SPAG16: variants seen among roughly 807,000 people sequenced by gnomAD.
SPAG16 encodes sperm associated antigen 16.
Under a neutral mutation model 80.4 loss-of-function variants are expected in SPAG16, and 86 were observed. That is an observed-to-expected ratio of 1.07 (90% CI 0.90 to 1.28). The LOEUF (loss-of-function observed/expected upper bound fraction) is 1.28. SPAG16 is among the 50% of genes most tolerant of loss of function. SPAG16 has a pLI of 0.00. For missense variants in SPAG16, 870 were observed against 765.3 expected, an observed-to-expected ratio of 1.14 and a Z score of -1.61; for synonymous variants, 294 against 265.9, an observed-to-expected ratio of 1.11 and a Z score of -1.03.
chr2:213,675,108 T>C (rs2063995509), intron 10 of SPAG16, among the ~76,000 whole-genome samples: 1 of 152,014 alleles, frequency 6.6e-6, no homozygotes, highest in Admixed American at 6.5e-5. Context: ...CTCACTGTGG[T>C]TTTGATTTGC....
intron 2 of SPAG16, among the ~76,000 whole-genome samples, chr2:213,296,707 G>A (rs1403792090): frequency 6.6e-6 from 1 of 152,084 alleles, no homozygotes; most frequent in East Asian, 1.9e-4. Flanking sequence ...TTTTATTACT[G>A]GTAAAATGGA....
intron 10 of SPAG16, among the ~76,000 whole-genome samples, chr2:213,604,391 G>GC (rs1297920791): frequency 6.6e-6 from 1 of 151,940 alleles, no homozygotes; most frequent in African/African-American, 2.4e-5. Context: ...GCTTCATGAG[G>GC]CAGAAACCAT....
chr2:213,785,483 C>G (rs80108862), intron 10 of SPAG16, among the ~76,000 whole-genome samples: 1 of 152,052 alleles, frequency 6.6e-6, no homozygotes, highest in Non-Finnish European at 1.5e-5. Flanking sequence ...TTAGTTTTCT[C>G]ATTATCAGAC....
intron 10 of SPAG16, among the ~76,000 whole-genome samples, chr2:213,523,146 T>A (rs1386805686): frequency 6.6e-6 from 1 of 152,158 alleles, no homozygotes; most frequent in African/African-American, 2.4e-5. Flanking sequence ...GGTAATTGAA[T>A]CATGGAGGCA....
intron 15 of SPAG16, among the ~76,000 whole-genome samples, chr2:214,361,487 C>T (rs895263561): frequency 2.0e-5 from 3 of 151,730 alleles, no homozygotes; most frequent in African/African-American, 4.8e-5. Flanking sequence ...TTAGTCTAAC[C>T]GTGAGATCAC....
rs918212388 is a variant in SPAG16, at chr2:213,552,296, ATTGC to A, written c.1070+62210_1070+62213del. Reference sequence around the variant, plus strand: ...ATTGTGGACTCTGCAGGTTTCTAAAATTGCTTGATTTCCCTACCCTCCACCAACC... The same window carrying A: ...ATTGTGGACTCTGCAGGTTTCTAAAATTGATTTCCCTACCCTCCACCAACC... On this transcript the variant is annotated intron_variant, in intron 10 of 15. Coordinates refer to ENST00000331683, the MANE Select transcript of SPAG16 (RefSeq NM_024532.5). 2.0e-5 allele frequency among the ~76,000 whole-genome samples: 3 copies of A among 152,188 alleles called. No homozygotes were observed. In the East Asian group the frequency reaches 5.8e-4, roughly 30 times the overall value.
intron 10 of SPAG16, among the ~76,000 whole-genome samples, chr2:213,784,974 A>G (rs1200755844): frequency 2.0e-5 from 3 of 152,162 alleles, no homozygotes; most frequent in Admixed American, 1.3e-4. Flanking sequence ...TCCTAGTTCT[A>G]TAAGGCTAAG....
intron 10 of SPAG16, among the ~76,000 whole-genome samples, chr2:213,744,525 A>C (rs1234410501): frequency 6.6e-6 from 1 of 152,164 alleles, no homozygotes; most frequent in Non-Finnish European, 1.5e-5. Flanking sequence ...ACAAAATAAT[A>C]TATTATCATT....
At chr2:213,335,516 G>A (rs1484811880) in intron 5 of SPAG16, among the ~76,000 whole-genome samples, 5 of 152,032 alleles carry the variant, frequency 3.3e-5, no homozygotes, top group Non-Finnish European at 7.4e-5. Context: ...AAGATAAAAA[G>A]CACTTCATTC....
chr2:214,059,222 G>A lies in SPAG16; in HGVS notation c.1527+45145G>A, dbSNP rs371715483. 7.4e-3 allele frequency among the ~76,000 whole-genome samples: 890 copies of A among 121,030 alleles called. 11 individuals carry two copies. Among genetic ancestry groups the A allele is most frequent in the African/African-American group, 0.025 (717 of 28,956 alleles). The allele number at this position is 121,030 out of a possible 152,430, so 79.4% of individuals were successfully genotyped here. ...TATATATATATATATATATGTATGTGTATATATATATATATATATGTATGT... is the reference window on the plus strand; with the variant it reads ...TATATATATATATATATATGTATGTATATATATATATATATATATGTATGT... On this transcript the variant is annotated intron_variant, in intron 13 of 15. Transcript: ENST00000331683.
chr2:213,459,862 A>C (rs985186752), intron 9 of SPAG16, among the ~76,000 whole-genome samples: 1 of 152,254 alleles, frequency 6.6e-6, no homozygotes, highest in African/African-American at 2.4e-5. Flanking sequence ...GTTATTCCAC[A>C]TAACCTTGTT....
At chr2:214,089,768 C>T (rs2052042264) in intron 13 of SPAG16, among the ~76,000 whole-genome samples, 1 of 151,960 alleles carries the variant, frequency 6.6e-6, no homozygotes, top group Non-Finnish European at 1.5e-5. Flanking sequence ...TAAGAAATTC[C>T]ATCCAGTTCT....
rs541572899 is a variant in SPAG16, at chr2:214,013,501, C to G, written c.1401-450C>G. ...CTCTCCCTATTCTCCCGTCTCTTTT[C>G]CCTCCCCCAGTCTCTGGTAGCCACT... On this transcript the variant is annotated intron_variant, in intron 12 of 15. Transcript: ENST00000331683. Among the ~76,000 whole-genome samples the G allele has an allele frequency of 1.3e-3, 203 of 152,224 alleles. 1 individual carries two copies. Among genetic ancestry groups the G allele is most frequent in the Non-Finnish European group, 2.5e-3 (168 of 68,012 alleles).
At chr2:214,015,869 CAT>C (rs2047567942) in intron 13 of SPAG16, among the ~76,000 whole-genome samples, 2 of 152,106 alleles carry the variant, frequency 1.3e-5, no homozygotes, top group South Asian at 4.1e-4. Context: ...GAGAGTCAGT[CAT>C]GTGAGGAATC....
At chr2:214,248,285 TTATATTATTATTATTATTATTATTA>T (rs1559154104) in intron 15 of SPAG16, among the ~76,000 whole-genome samples, 1 of 129,530 alleles carries the variant, frequency 7.7e-6, no homozygotes, top group Non-Finnish European at 1.6e-5. Context: ...GGTACTATTC[TTATATTATTATTATTATTATTATTA>T]TTATTATTAT....
chr2:213,333,618 G>A (rs1450566206), intron 5 of SPAG16, among the ~76,000 whole-genome samples: 1 of 152,014 alleles, frequency 6.6e-6, no homozygotes, highest in Non-Finnish European at 1.5e-5. Context: ...CAGAAATATA[G>A]TAACCAAAAC....
At chr2:214,146,793 G>T (rs1488612083) in intron 14 of SPAG16, among the ~76,000 whole-genome samples, 2 of 152,126 alleles carry the variant, frequency 1.3e-5, no homozygotes, top group African/African-American at 4.8e-5. Flanking sequence ...GAGGTCAGGA[G>T]ATCAAGACCA....
chr2:214,166,485 C>A (rs2056660973), intron 15 of SPAG16, among the ~76,000 whole-genome samples: 1 of 152,202 alleles, frequency 6.6e-6, no homozygotes, highest in Admixed American at 6.5e-5. Context: ...GGCCGACTTA[C>A]TCCTGAGACT....
At chr2:213,380,327 C>A (rs1335850793) in intron 9 of SPAG16, among the ~76,000 whole-genome samples, 1 of 152,118 alleles carries the variant, frequency 6.6e-6, no homozygotes, top group African/African-American at 2.4e-5. Context: ...TGTGCAGATC[C>A]ATCTATGAAT....
Sources: allele counts gnomAD v4.1 joint callset (sites outside exome capture counted in the v4.1 genomes callset), GRCh38; gene constraint gnomAD v4.1.1; transcripts MANE v1.5; gene names NCBI Gene and HGNC (gene_info 2026-07-23, HGNC 2026-07-21).